MRPS22: variants seen among roughly 807,000 people sequenced by gnomAD.
The protein encoded by MRPS22 is small ribosomal subunit protein mS22.
A neutral mutation model predicts 44.0 loss-of-function variants in MRPS22; 30 were observed. That is an observed-to-expected ratio of 0.68 (90% confidence interval 0.51 to 0.93). The LOEUF (loss-of-function observed/expected upper bound fraction) is 0.93. MRPS22 is among the 40% of genes least tolerant of loss of function. MRPS22 has a pLI of 0.00. For synonymous variants in MRPS22, 165 were observed against 154.4 expected, an observed-to-expected ratio of 1.07 and a Z score of -0.51; for missense variants, 447 against 447.8, an observed-to-expected ratio of 1.00 and a Z score of 0.02.
chr3:139,346,679 A>T (rs937430065), intron 1 of MRPS22, among the ~76,000 whole-genome samples, 199 bp from the exon 2 acceptor site: 16 of 152,226 alleles, frequency 1.1e-4, no homozygotes, highest in Non-Finnish European at 1.8e-4. Flanking sequence ...GCAGAGACCG[A>T]GTCTATCTCC....
intron 3 of MRPS22, chr3:139,349,466 T>C: frequency 3.5e-6 from 1 of 287,246 alleles, no homozygotes; most frequent in Non-Finnish European, 6.9e-6. Flanking sequence ...TGTGCAAAGC[T>C]CCATGTATGC....
chr3:139,350,673 C>A, intron 4 of MRPS22: 9 of 281,708 alleles, frequency 3.2e-5, no homozygotes, highest in South Asian at 2.4e-4. Context: ...GGATTCGCAC[C>A]CCCCCCCCGC....
rs17316181 is a variant in MRPS22, at chr3:139,350,851, C to A, written c.649-126C>A. The A allele has an allele frequency of 0.08, 61,921 of 778,228 alleles. 2,740 individuals carry two copies. Among genetic ancestry groups the A allele is most frequent in the Middle Eastern group, 0.12 (523 of 4,356 alleles). 48.2% of individuals were successfully genotyped at this position (778,228 alleles called of 1,614,324 possible). ...GTGTGACAATTACAAAGCCTGTGTT[C>A]TTTCTTTATGCTTCTTGAGGAGCAC... is the stretch of plus-strand genomic sequence containing the variant. On this transcript the variant is annotated intron_variant, in intron 4 of 7. Coordinates refer to ENST00000680020, the MANE Select transcript of MRPS22 (RefSeq NM_020191.4).
chr3:139,352,803 T>A lies in MRPS22; in HGVS notation c.878+11T>A. 3 of 1,611,748 alleles carry A rather than the reference T, an allele frequency of 1.9e-6. No individual in the cohort carries two copies. The highest frequency in any genetic ancestry group is 2.2e-5 in the South Asian group (2 of 91,012). On this transcript the variant is annotated intron_variant, in intron 6 of 7. Transcript: ENST00000680020. ...GATTCAGAGAGATTTGTAAGTATGA[T>A]CTTAGTAAGTGAAAGAATCATTCTT...
At chr3:139,345,445 T>G (rs950972070) in intron 1 of MRPS22, among the ~76,000 whole-genome samples, 3 of 140,514 alleles carry the variant, frequency 2.1e-5, no homozygotes, top group Admixed American at 1.4e-4. Context: ...GGTGTTTTTT[T>G]TTTTGTTTTT....
intron 6 of MRPS22, among the ~76,000 whole-genome samples, chr3:139,353,177 C>T (rs1354068315): frequency 6.6e-6 from 1 of 152,160 alleles, no homozygotes; most frequent in Non-Finnish European, 1.5e-5. Context: ...TAGGGCTTTT[C>T]AGTAAACACC....
intron 4 of MRPS22, chr3:139,350,625 A>C: frequency 4.7e-6 from 2 of 421,622 alleles, no homozygotes; most frequent in Non-Finnish European, 8.8e-6. Flanking sequence ...ATGGGGTTTC[A>C]CCATGTTGGC....
chr3:139,349,251 G>T (rs1941103166), intron 3 of MRPS22: 1 of 432,790 alleles, frequency 2.3e-6, no homozygotes, highest in Non-Finnish European at 4.6e-6. Context: ...TGGAATTCAG[G>T]TTTCTCAAAT....
At chr3:139,344,282 C>A in intron 1 of MRPS22, 84 bp downstream of exon 1, 2 of 1,397,566 alleles carry the variant, frequency 1.4e-6, no homozygotes, top group Non-Finnish European at 2.0e-6. Context: ...CACGCGATAG[C>A]CCCCGCGACA....
intron 4 of MRPS22, 132 bp downstream of exon 4, chr3:139,350,454 T>A: frequency 9.7e-7 from 1 of 1,027,100 alleles, no homozygotes. Flanking sequence ...TGAAATGGAG[T>A]TTCGCTCCTT....
At chr3:139,344,865 T>TG in intron 1 of MRPS22, 1 of 556,484 alleles carries the variant, frequency 1.8e-6, no homozygotes. Flanking sequence ...ACCGTTATTT[T>TG]GGGGGCGGGG....
At chr3:139,346,592 G>GT (rs1941042052) in intron 1 of MRPS22, among the ~76,000 whole-genome samples, 1 of 152,208 alleles carries the variant, frequency 6.6e-6, no homozygotes, top group South Asian at 2.1e-4. Flanking sequence ...AGACAGCTCT[G>GT]TAAGTGGCAG....
chr3:139,350,759 CCTTA>C, intron 4 of MRPS22: 2 of 577,454 alleles, frequency 3.5e-6, no homozygotes, highest in South Asian at 3.8e-5. Flanking sequence ...ATAGAATCCT[CCTTA>C]CCACCCAAGA....
At chr3:139,352,877 A>G (rs1941179742) in intron 6 of MRPS22, 85 bp downstream of exon 6, 26 of 1,407,034 alleles carry the variant, frequency 1.8e-5, no homozygotes, top group African/African-American at 2.8e-5. Flanking sequence ...TTTTCCAGTG[A>G]TAACAGTGTA....
intron 7 of MRPS22, among the ~76,000 whole-genome samples, chr3:139,356,648 G>A (rs1941276119): frequency 6.6e-6 from 1 of 152,134 alleles, no homozygotes; most frequent in South Asian, 2.1e-4. Flanking sequence ...TGATCTCGAA[G>A]GAAGTATTAA....
rs10755092 is a variant in MRPS22, at chr3:139,348,060, A to T, written c.340-100A>T. 932,797 of 1,225,276 alleles carry T rather than the reference A, an allele frequency of 0.76. 361,710 individuals are homozygous for T. The highest frequency in any genetic ancestry group is 0.9 in the East Asian group (35,800 of 39,860). The allele number at this position is 1,225,276 out of a possible 1,614,324, so 75.9% of individuals were successfully genotyped here. Reference sequence around the variant, plus strand: ...GATTTGTGGCTACACCTTCTTTTCTATGCAGGTTTTTGCATTTTTTATTAG... The same window carrying T: ...GATTTGTGGCTACACCTTCTTTTCTTTGCAGGTTTTTGCATTTTTTATTAG... On this transcript the variant is annotated intron_variant, in intron 2 of 7. Coordinates refer to ENST00000680020, the MANE Select transcript of MRPS22 (RefSeq NM_020191.4).
intron 5 of MRPS22, chr3:139,352,045 A>AAGGG (rs1412643055): frequency 6.5e-6 from 1 of 154,432 alleles, no homozygotes; most frequent in East Asian, 1.9e-4. Flanking sequence ...GGATAGGGGA[A>AAGGG]AGGGAGAGTA....
Position 139,350,202 on chromosome 3 carries a change from A to G in MRPS22, c.528A>G (p.Glu176=). 6.2e-7 allele frequency: 1 copy of G among 1,614,176 alleles called. No homozygotes were observed. The highest frequency in any genetic ancestry group is 8.5e-7 in the Non-Finnish European group (1 of 1,180,024). The change falls in exon 4 of 8, where the codon GAA becomes GAG. Residue 176 remains glutamate (E), a synonymous_variant. Coordinates refer to ENST00000680020, the MANE Select transcript of MRPS22 (RefSeq NM_020191.4). Reference sequence around the variant, plus strand: ...AGGAGCGTTTTATTGTCGTCAGAGAACCAAGTGGCACACTACGCAAAGCCT... The same window carrying G: ...AGGAGCGTTTTATTGTCGTCAGAGAGCCAAGTGGCACACTACGCAAAGCCT... ...PHRERFIVVR[E]PSGTLRKASW...
chr3:139,348,370 T>C (rs749117805), intron 3 of MRPS22, 46 bp downstream of exon 3: 45 of 1,588,300 alleles, frequency 2.8e-5, no homozygotes, highest in East Asian at 2.2e-4. Flanking sequence ...TGAAATACTA[T>C]GTGGAGAAGG....
Sources: gnomAD v4.1 joint callset for allele counts (sites outside exome capture counted in the v4.1 genomes callset) on GRCh38, gnomAD v4.1.1 for gene constraint, MANE v1.5 for transcripts, NCBI Gene and HGNC (gene_info 2026-07-23, HGNC 2026-07-21) for gene names.